SUCO: variants seen among roughly 807,000 people sequenced by gnomAD.
SUCO encodes the protein SUN domain containing ossification factor.
A neutral mutation model predicts 148.1 loss-of-function variants in SUCO; 57 were observed. The ratio of observed to expected loss-of-function variants is 0.38; its 90% CI spans 0.31 to 0.48. The LOEUF is 0.48. SUCO is among the 20% of genes least tolerant of loss of function. The pLI, the probability that SUCO is intolerant of heterozygous loss-of-function variation, is 0.96. For synonymous variants in SUCO, 470 were observed against 502.7 expected (o/e 0.93, Z 0.87); for missense variants, 1,331 against 1,468.2 (o/e 0.91, Z 1.53).
In SUCO at chr1:172,533,412, G is replaced by T. The variant is rs779443744; in HGVS notation, c.-24G>T. 12 of 1,554,058 alleles carry T rather than the reference G, an allele frequency of 7.7e-6. No individual in the cohort carries two copies. In the African/African-American group the frequency reaches 1.6e-4, roughly 21 times the overall value. On this transcript the variant is annotated 5_prime_UTR_variant, in exon 1 of 24. Coordinates refer to ENST00000263688, the MANE Select transcript of SUCO (RefSeq NM_014283.5). ...CTGCCGGGAGGATGTGCCGCCTTCT[G>T]GCAGGGGGAAGAAGGAGGAGAAGAT...
At chr1:172,586,338 A>G (rs1571259545) in intron 17 of SUCO, among the ~76,000 whole-genome samples, 1 of 152,134 alleles carries the variant, frequency 6.6e-6, no homozygotes, top group East Asian at 1.9e-4. Context: ...CTAGAAAGCT[A>G]CCAAAATACC....
chr1:172,598,218 A>C (rs1257982827), intron 19 of SUCO, among the ~76,000 whole-genome samples: 1 of 152,202 alleles, frequency 6.6e-6, no homozygotes, highest in East Asian at 1.9e-4. Context: ...TCCTTTCTCC[A>C]CAGAATTTCC....
At chr1:172,548,769 T>G (rs1366456314) in intron 1 of SUCO, among the ~76,000 whole-genome samples, 1 of 152,024 alleles carries the variant, frequency 6.6e-6, no homozygotes, top group Non-Finnish European at 1.5e-5. Flanking sequence ...CTTTTGAGGC[T>G]TTAGTTTACT....
chr1:172,611,699 T>G lies in SUCO; in HGVS notation c.*1440T>G, dbSNP rs1558222077. ...GAAGCCCCTTGAAAAGAGGTCCAGA[T>G]GAGAGCAGAGATACAGTGAGAAATT... On this transcript the variant is annotated 3_prime_UTR_variant, in exon 24 of 24. Coordinates refer to ENST00000263688, the MANE Select transcript of SUCO (RefSeq NM_014283.5). 1.3e-5 allele frequency: 2 copies of G among 152,644 alleles called. No individual in the cohort carries two copies. Among genetic ancestry groups the G allele is most frequent in the East Asian group, 3.8e-4 (2 of 5,204 alleles). The allele number at this position is 152,644 out of a possible 1,614,324, so 9.5% of individuals were successfully genotyped here. A position where few individuals can be genotyped will look rare whatever the true frequency, so the allele number is the denominator to read the frequency against.
chr1:172,588,177 G>T (rs117911445), intron 17 of SUCO: 1 of 985,350 alleles, frequency 1.0e-6, no homozygotes, highest in East Asian at 1.1e-4. Flanking sequence ...AGGTGTGTGT[G>T]TGCGTTGTGT....
At chr1:172,605,232 T>A (rs903791873) in intron 22 of SUCO, among the ~76,000 whole-genome samples, 12 of 151,884 alleles carry the variant, frequency 7.9e-5, no homozygotes, top group African/African-American at 2.9e-4. Context: ...TTGGGTCATA[T>A]CCAAGAAATC....
At position 172,609,761 on chromosome 1, in the gene SUCO, G is replaced by A. The variant is rs1038510748; in HGVS notation, c.3322-55G>A. On this transcript the variant is annotated intron_variant, in intron 23 of 23. Transcript: ENST00000263688. ...TATTAGCTCAGCTCTCTAGGTGTTT[G>A]ATAAGGTTACTATGGGAAGTATCAT... 1.9e-6 allele frequency: 3 copies of A among 1,540,746 alleles called. No homozygotes were observed. The South Asian group carries it at 3.9e-5, about 20-fold the overall frequency.
intron 1 of SUCO, among the ~76,000 whole-genome samples, chr1:172,533,962 C>G (rs927478832): frequency 1.3e-5 from 2 of 152,124 alleles, no homozygotes; most frequent in Non-Finnish European, 2.9e-5. Flanking sequence ...AATGTATAAG[C>G]AGTAGTTCTC....
intron 6 of SUCO, chr1:172,568,305 TCCC>T: frequency 6.4e-5 from 58 of 905,854 alleles, no homozygotes; most frequent in South Asian, 1.5e-4. Flanking sequence ...ATTCTTTGCT[TCCC>T]ACCCACCCCA....
At chr1:172,586,073 A>G in intron 17 of SUCO, 125 bp downstream of exon 17, 1 of 556,488 alleles carries the variant, frequency 1.8e-6, no homozygotes, top group South Asian at 3.9e-5. Context: ...GAATCATAGG[A>G]TAGACATTCT....
intron 3 of SUCO, 44 bp from the exon 4 acceptor site, chr1:172,555,825 A>G (rs749477717): frequency 1.3e-6 from 2 of 1,505,214 alleles, no homozygotes; most frequent in Non-Finnish European, 1.8e-6. Flanking sequence ...GAGATGTTAT[A>G]TTAATCTCAA....
chr1:172,606,164 T>C (rs1013661561), intron 22 of SUCO, among the ~76,000 whole-genome samples: 10 of 151,690 alleles, frequency 6.6e-5, no homozygotes, highest in Non-Finnish European at 4.4e-5. Context: ...TTTTGTTAGA[T>C]AATTATTTAG....
At chr1:172,584,902 A>G (rs952558448) in intron 15 of SUCO, 116 bp from the exon 16 acceptor site, 1 of 623,636 alleles carries the variant, frequency 1.6e-6, no homozygotes, top group African/African-American at 1.9e-5. Flanking sequence ...TGAATACAAA[A>G]GTAACCAGTC....
At chr1:172,532,798 G>A (rs1282848914), upstream of SUCO, 24 of 1,608,052 alleles carry the variant, frequency 1.5e-5, no homozygotes, top group Non-Finnish European at 2.0e-5. Context: ...AGGGACGAAG[G>A]GCGGTCCACT....
intron 9 of SUCO, among the ~76,000 whole-genome samples, chr1:172,572,883 T>TA (rs1655151201): frequency 6.6e-6 from 1 of 152,116 alleles, no homozygotes; most frequent in South Asian, 2.1e-4. Flanking sequence ...CCCAGAGTGT[T>TA]ACATGTCATG....
At position 172,589,185 on chromosome 1, in the gene SUCO, A is replaced by G. The variant is rs762099194; in HGVS notation, c.2084A>G (p.Glu695Gly). Residue 695 changes from glutamate to glycine, a missense_variant, in exon 18 of 24, where the codon GAA becomes GGA. Physicochemically the swap from Glu to Gly is moderately conservative, Grantham distance 98 (BLOSUM62 -2). Around this residue, in one of 3 missense-constraint regions of SUCO, gnomAD observed 992 missense variants for 1,093.5 expected, o/e 0.91. Transcript: ENST00000263688. The part of the protein sequence containing the change: ...LENTNIEREA[E>G]TVVLGDLSSS... ...AATACGAATATAGAAAGGGAAGCTG[A>G]AACTGTTGTTCTGGGTGATTTAAGT... The G allele has an allele frequency of 1.2e-6, 2 of 1,613,914 alleles. No individual in the cohort carries two copies.
At chr1:172,561,398 C>G (rs949444920) in intron 6 of SUCO, among the ~76,000 whole-genome samples, 1 of 152,086 alleles carries the variant, frequency 6.6e-6, no homozygotes, top group African/African-American at 2.4e-5. Context: ...TTGGATAAGT[C>G]AGAAGATTGA....
intron 15 of SUCO, among the ~76,000 whole-genome samples, chr1:172,580,098 T>C (rs184049267): frequency 1.3e-5 from 2 of 152,334 alleles, no homozygotes; most frequent in Non-Finnish European, 2.9e-5. Flanking sequence ...TAGGTTGATA[T>C]TTTGTGTAGC....
intron 15 of SUCO, among the ~76,000 whole-genome samples, chr1:172,581,278 ATC>A (rs1655869734): frequency 6.6e-6 from 1 of 152,122 alleles, no homozygotes; most frequent in Non-Finnish European, 1.5e-5. Context: ...CCTTTTACAG[ATC>A]TCTGGGAGGG....
Sources: allele counts gnomAD v4.1 joint callset (sites outside exome capture counted in the v4.1 genomes callset), GRCh38; gene constraint gnomAD v4.1.1; regional missense constraint gnomAD v4.1.1; transcripts MANE v1.5; gene names NCBI Gene and HGNC (gene_info 2026-07-23, HGNC 2026-07-21).